PDLIM4: variants seen among roughly 807,000 people sequenced by gnomAD.
The protein encoded by PDLIM4 is PDZ and LIM domain protein 4.
In PDLIM4, 19 loss-of-function variants were observed where a neutral mutation model predicts 31.3. The ratio of observed to expected loss-of-function variants is 0.61; its 90% CI spans 0.42 to 0.89. PDLIM4 has a LOEUF of 0.89. Among genes scored for constraint, PDLIM4 ranks in the 40% least tolerant of loss-of-function variants. The pLI is 0.00. For synonymous variants in PDLIM4, 176 were observed against 190.1 expected, an observed-to-expected ratio of 0.93 and a Z score of 0.61; for missense variants, 442 against 461.1, an observed-to-expected ratio of 0.96 and a Z score of 0.38.
Position 132,272,448 on chromosome 5 carries a change from G to C in PDLIM4, c.*219G>C, listed in dbSNP as rs1756650084. 1.7e-6 allele frequency: 1 copy of C among 583,082 alleles called. No individual in the cohort carries two copies. Among genetic ancestry groups the C allele is most frequent in the African/African-American group, 1.9e-5 (1 of 53,776 alleles). The allele number at this position is 583,082 out of a possible 1,614,324, so 36.1% of individuals were successfully genotyped here. On this transcript the variant is annotated 3_prime_UTR_variant, in exon 7 of 7. Coordinates refer to ENST00000253754, the MANE Select transcript of PDLIM4 (RefSeq NM_003687.4). ...TCTGGGTGCAGTAGTGAGCAGGACG[G>C]GTACCATGCTGCCCTGAAGGGGGCC...
In PDLIM4 at chr5:132,257,830, G is replaced by A. The variant is rs1305732735; in HGVS notation, c.93+3G>A. On this transcript the variant is annotated splice_donor_region_variant and intron_variant, in intron 1 of 6. Coordinates refer to ENST00000253754, the MANE Select transcript of PDLIM4 (RefSeq NM_003687.4). This position sits in a 1 kb window ranked among gnomAD's most constrained non-coding sequence, Gnocchi z 4.3. ...GCGCGCCCCTCACCATCTCACGGGT[G>A]AGTCTGGCGGCTGCGTGGCGGCAGG... 6.8e-7 allele frequency: 1 copy of A among 1,479,906 alleles called. No homozygotes were observed. 91.7% of individuals were successfully genotyped at this position (1,479,906 alleles called of 1,614,324 possible).
intron 2 of PDLIM4, among the ~76,000 whole-genome samples, chr5:132,263,701 C>T (rs751896507): frequency 1.2e-4 from 18 of 152,326 alleles, no homozygotes; most frequent in Admixed American, 7.8e-4. Context: ...TGTGGAAGTA[C>T]GTGGGCAAAG....
chr5:132,266,344 C>A, intron 2 of PDLIM4, 120 bp from the exon 3 acceptor site: 2 of 649,636 alleles, frequency 3.1e-6, no homozygotes, highest in Non-Finnish European at 5.7e-6. Context: ...GGGGAAAGCA[C>A]TGGAGTGGTG....
At position 132,257,860 on chromosome 5, in the gene PDLIM4, TC is replaced by T; in HGVS notation, c.93+36del. 7.8e-7 allele frequency: 1 copy of T among 1,287,456 alleles called. No individual in the cohort carries two copies. The highest frequency in any genetic ancestry group is 1.0e-6 in the Non-Finnish European group (1 of 963,854). 79.8% of individuals were successfully genotyped at this position (1,287,456 alleles called of 1,614,324 possible). On this transcript the variant is annotated intron_variant, in intron 1 of 6. Coordinates refer to ENST00000253754, the MANE Select transcript of PDLIM4 (RefSeq NM_003687.4). The surrounding 1 kb of genome is among the most constrained non-coding windows in gnomAD (Gnocchi z 4.3). ...TGGCGGCTGCGTGGCGGCAGGGCGG[TC>T]CCATGTCTGAGACCGGGTTCTCGCG...
Position 132,271,045 on chromosome 5 carries a change from C to T in PDLIM4, c.458C>T (p.Ala153Val), listed in dbSNP as rs769645050. 6.2e-7 allele frequency: 1 copy of T among 1,614,122 alleles called. No homozygotes were observed. The highest frequency in any genetic ancestry group is 8.5e-7 in the Non-Finnish European group (1 of 1,179,980). Reference sequence around the variant, plus strand: ...GTCCCTCACAATGGCAGCAGCGAGGCCACCCTGCCAGCCCAGATGAGCACC... The same window carrying T: ...GTCCCTCACAATGGCAGCAGCGAGGTCACCCTGCCAGCCCAGATGAGCACC... ...FPVPHNGSSE[A>V]TLPAQMSTLH... Residue 153 changes from alanine (A) to valine (V), a missense_variant, in exon 4 of 7, where the codon GCC (alanine) becomes GTC (valine). Transcript: ENST00000253754.
rs1756674369 is a variant in PDLIM4, at chr5:132,273,341, A to G, written c.*1112A>G. The G allele has an allele frequency of 6.9e-6, 1 of 145,068 alleles. No homozygotes were observed. 9.0% of individuals were successfully genotyped at this position (145,068 alleles called of 1,614,324 possible). A position where few individuals can be genotyped will look rare whatever the true frequency, so the allele number is the denominator to read the frequency against. On this transcript the variant is annotated 3_prime_UTR_variant, in exon 7 of 7. Transcript: ENST00000253754. ...CACAAAAAAACTGTTATCAATTCAC[A>G]TTCATCATCAGCACGAGACCCATTT...
chr5:132,260,909 C>T lies in PDLIM4; in HGVS notation c.94-1700C>T, dbSNP rs148792172. 1.5e-3 allele frequency among the ~76,000 whole-genome samples: 224 copies of T among 152,340 alleles called. 1 individual carries two copies. The highest frequency in any genetic ancestry group is 5.1e-3 in the African/African-American group (211 of 41,586). On this transcript the variant is annotated intron_variant, in intron 1 of 6. Transcript: ENST00000253754. Reference sequence around the variant, plus strand: ...ACCACTGCTTTCAAGAAACTTCCTCCGCCCACAGAAGCCTGAATGTACCCC... The same window carrying T: ...ACCACTGCTTTCAAGAAACTTCCTCTGCCCACAGAAGCCTGAATGTACCCC...
At chr5:132,262,007 T>G (rs542927656) in intron 1 of PDLIM4, among the ~76,000 whole-genome samples, 1 of 151,794 alleles carries the variant, frequency 6.6e-6, no homozygotes, top group African/African-American at 2.4e-5. Flanking sequence ...GATGTGGGAG[T>G]CAAAGGAATG....
chr5:132,271,387 A>T lies in PDLIM4; in HGVS notation c.591A>T (p.Pro197=). Residue 197 remains proline (P), a synonymous_variant, in exon 5 of 7, where the codon CCA becomes CCT. Coordinates refer to ENST00000253754, the MANE Select transcript of PDLIM4 (RefSeq NM_003687.4). ...AGGTGTACAGGATGCTGCGGGAGCC[A>T]GCCGAGCCCGTGGCCGCGGAGCCCA... The part of the protein sequence containing the change: ...GSEVYRMLRE[P]AEPVAAEPKQ... 1 of 1,607,590 alleles carries T rather than the reference A, an allele frequency of 6.2e-7. No individual in the cohort carries two copies. Among genetic ancestry groups the T allele is most frequent in the South Asian group, 1.1e-5 (1 of 91,060 alleles).
chr5:132,271,680 G>T, intron 5 of PDLIM4, 111 bp from the exon 6 acceptor site: 1 of 975,230 alleles, frequency 1.0e-6, no homozygotes, highest in Non-Finnish European at 1.7e-6. Flanking sequence ...CGCCAAACCC[G>T]TTCCCCAGTC....
chr5:132,270,723 T>C (rs1415495034), intron 3 of PDLIM4, among the ~76,000 whole-genome samples, 192 bp from the exon 4 acceptor site: 4 of 152,202 alleles, frequency 2.6e-5, no homozygotes, highest in Non-Finnish European at 5.9e-5. Context: ...TGCAGGGGCA[T>C]AACCAGTCCC....
At position 132,272,195 on chromosome 5, in the gene PDLIM4, C is replaced by T. The variant is rs1254080122; in HGVS notation, c.959C>T (p.Ala320Val). 6 of 1,614,050 alleles carry T rather than the reference C, an allele frequency of 3.7e-6. No homozygotes were observed. In the Admixed American group the frequency reaches 6.7e-5, roughly 18 times the overall value. ...CCGCCCGAGGGCTACGACGTGGTGG[C>T]GGTGTACCCCAATGCCAAGGTGGAA... ...VKPPEGYDVV[A>V]VYPNAKVELV The change falls in exon 7 of 7, where the codon GCG becomes GTG. Residue 320 changes from alanine (A) to valine (V), a missense_variant. Physicochemically the swap from Ala to Val is moderately conservative, Grantham distance 64. Transcript: ENST00000253754.
At chr5:132,263,844 C>T (rs74706575) in intron 2 of PDLIM4, among the ~76,000 whole-genome samples, 3,142 of 152,258 alleles carry the variant, frequency 0.021, 105 homozygotes, top group African/African-American at 0.071. Flanking sequence ...CCCTGGCACA[C>T]GGTGAGGATG....
chr5:132,271,781 C>T lies in PDLIM4; in HGVS notation c.671-10C>T, dbSNP rs757758144. The T allele has an allele frequency of 1.5e-5, 23 of 1,582,738 alleles. 1 individual carries two copies. The South Asian group carries it at 1.9e-4, about 13-fold the overall frequency. On this transcript the variant is annotated splice_polypyrimidine_tract_variant and intron_variant, in intron 5 of 6. Coordinates refer to ENST00000253754, the MANE Select transcript of PDLIM4 (RefSeq NM_003687.4). ...CACCCCGTTCATGCCACCTACGCTCCGGGTTTCAGGGGATTGGCCCGGGCC... is the reference window on the plus strand; with the variant it reads ...CACCCCGTTCATGCCACCTACGCTCTGGGTTTCAGGGGATTGGCCCGGGCC...
intron 3 of PDLIM4, among the ~76,000 whole-genome samples, chr5:132,270,049 C>T (rs761829107): frequency 6.6e-6 from 1 of 152,130 alleles, no homozygotes; most frequent in Non-Finnish European, 1.5e-5. Flanking sequence ...CTGTGGGGTG[C>T]TTGTGTGCAC....
In PDLIM4 at chr5:132,272,897, C is replaced by T. The variant is rs1321944142; in HGVS notation, c.*668C>T. The T allele has an allele frequency of 6.5e-6, 1 of 152,730 alleles. No individual in the cohort carries two copies. The highest frequency in any genetic ancestry group is 2.4e-5 in the African/African-American group (1 of 41,438). The allele number at this position is 152,730 out of a possible 1,614,324, so 9.5% of individuals were successfully genotyped here. ...TTATTCTCCTCCGAGACCCCCTTTTCTTCCCCTTCCTCTCTCCCCCACCAG... is the reference window on the plus strand; with the variant it reads ...TTATTCTCCTCCGAGACCCCCTTTTTTTCCCCTTCCTCTCTCCCCCACCAG... On this transcript the variant is annotated 3_prime_UTR_variant, in exon 7 of 7. Coordinates refer to ENST00000253754, the MANE Select transcript of PDLIM4 (RefSeq NM_003687.4).
At chr5:132,258,392 C>G (rs1756291939) in intron 1 of PDLIM4, among the ~76,000 whole-genome samples, 1 of 152,198 alleles carries the variant, frequency 6.6e-6, no homozygotes, top group African/African-American at 2.4e-5. Flanking sequence ...ATTTTGGCTT[C>G]CAGGGGAAAG....
chr5:132,263,333 C>T (rs926324277), intron 2 of PDLIM4, among the ~76,000 whole-genome samples: 6 of 152,008 alleles, frequency 3.9e-5, no homozygotes, highest in African/African-American at 1.5e-4. Context: ...CCTCAGCTGC[C>T]CTGCCACAGC....
In PDLIM4 at chr5:132,259,554, G is replaced by A. The variant is rs146725345; in HGVS notation, c.93+1727G>A. Among the ~76,000 whole-genome samples, 1,088 of 152,286 alleles carry A rather than the reference G, an allele frequency of 7.1e-3. 9 individuals are homozygous for A. Among genetic ancestry groups the A allele is most frequent in the Non-Finnish European group, 0.011 (763 of 68,006 alleles). Reference sequence around the variant, plus strand: ...GATGGCTGAGGTTGGGTTTGGGTGGGATCTGGGGAGATTTACAGCGCTGGG... The same window carrying A: ...GATGGCTGAGGTTGGGTTTGGGTGGAATCTGGGGAGATTTACAGCGCTGGG... On this transcript the variant is annotated intron_variant, in intron 1 of 6. Coordinates refer to ENST00000253754, the MANE Select transcript of PDLIM4 (RefSeq NM_003687.4).
Sources: gnomAD v4.1 joint callset for allele counts (sites outside exome capture counted in the v4.1 genomes callset) on GRCh38, gnomAD v4.1.1 for gene constraint, Gnocchi (gnomAD v3.1) non-coding constraint, MANE v1.5 for transcripts, NCBI Gene and HGNC (gene_info 2026-07-23, HGNC 2026-07-21) for gene names.